Variants in WDHD1 observed in about 807,000 individuals in gnomAD.
WDHD1 encodes WD repeat and HMG-box DNA binding protein 1.
A neutral mutation model predicts 135.4 loss-of-function variants in WDHD1; 111 were observed. The ratio of observed to expected loss-of-function variants is 0.82; its 90% CI spans 0.70 to 0.96. The LOEUF (loss-of-function observed/expected upper bound fraction) is 0.96, where lower values mean the gene tolerates loss of function less well. Among genes scored for constraint, WDHD1 ranks in the 40% least tolerant of loss-of-function variants. The probability of loss-of-function intolerance (pLI) is 0.00; values close to 1 mark genes in which losing one functional copy is unlikely to be tolerated. For missense variants in WDHD1, 1,351 were observed against 1,336.3 expected (o/e 1.01, Z -0.17); for synonymous variants, 434 against 439.0 (o/e 0.99, Z 0.14).
rs975226883 is a variant in WDHD1 at position 55,015,146 on chromosome 14, T to C, written c.78-1550A>G. ...TGGCATTGTCCAGGAATTTTCACTTTAAAACATATTAGTATTAGTTGCATC... is the reference window on the plus strand; with the variant it reads ...TGGCATTGTCCAGGAATTTTCACTTCAAAACATATTAGTATTAGTTGCATC... On this transcript the variant is annotated intron_variant, in intron 2 of 25. Transcript: ENST00000360586. Among the ~76,000 whole-genome samples, 3 of 152,074 alleles carry C rather than the reference T, an allele frequency of 2.0e-5. No homozygotes were observed. In the South Asian group the frequency reaches 6.2e-4, roughly 32 times the overall value.
intron 3 of WDHD1, among the ~76,000 whole-genome samples, 199 bp from the exon 4 acceptor site, chr14:55,010,659 C>T (rs568187515): frequency 2.6e-4 from 39 of 152,308 alleles, no homozygotes; most frequent in African/African-American, 9.1e-4. Context: ...AAAATTAATT[C>T]TACCTTAAGC....
intron 22 of WDHD1, 108 bp downstream of exon 22, chr14:54,957,484 C>G: frequency 9.8e-7 from 1 of 1,024,052 alleles, no homozygotes; most frequent in East Asian, 2.6e-5. Flanking sequence ...CCACACAGAT[C>G]AGTCTTTCAT....
intron 16 of WDHD1, among the ~76,000 whole-genome samples, chr14:54,978,598 C>A (rs549269359): frequency 7.9e-5 from 12 of 151,336 alleles, no homozygotes; most frequent in African/African-American, 2.4e-4. Flanking sequence ...AAAAAAAAAA[C>A]CGTTAATGAA....
At chr14:55,003,657 A>G (rs546555395) in intron 7 of WDHD1, among the ~76,000 whole-genome samples, 3 of 150,944 alleles carry the variant, frequency 2.0e-5, no homozygotes, top group African/African-American at 7.4e-5. Context: ...TCTGCCTCCC[A>G]GGTTCAAGCA....
intron 18 of WDHD1, among the ~76,000 whole-genome samples, chr14:54,965,781 C>T (rs1317514422): frequency 6.6e-6 from 1 of 151,720 alleles, no homozygotes; most frequent in African/African-American, 2.4e-5. Flanking sequence ...TGTGGTGAAA[C>T]CCTGTTTCTA....
Position 55,008,685 on chromosome 14 carries a change from T to C in WDHD1, c.376A>G (p.Ser126Gly). The change falls in exon 5 of 26, where the codon AGC becomes GGC. Residue 126 changes from serine (S) to glycine (G), a missense_variant. Physicochemically the swap from Ser to Gly is moderately conservative, Grantham distance 56. Transcript: ENST00000360586. ...CCTCGAAATGTTTTCTGTTGGCTGC[T>C]ATCCATCACATCCACAATTTTGACT... The part of the protein sequence containing the change: ...FLVKIVDVMD[S>G]SQQKTFRGHD... 1 of 1,612,860 alleles carries C rather than the reference T, an allele frequency of 6.2e-7. No individual in the cohort carries two copies. Among genetic ancestry groups the C allele is most frequent in the African/African-American group, 1.3e-5 (1 of 74,960 alleles).
Position 54,941,698 on chromosome 14 carries a change from A to C in WDHD1, c.3190-8T>G. 1 of 1,600,998 alleles carries C rather than the reference A, an allele frequency of 6.2e-7. No homozygotes were observed. The highest frequency in any genetic ancestry group is 8.5e-7 in the Non-Finnish European group (1 of 1,175,500). On this transcript the variant is annotated splice_polypyrimidine_tract_variant and splice_region_variant and intron_variant, in intron 25 of 25. Coordinates refer to ENST00000360586, the MANE Select transcript of WDHD1 (RefSeq NM_007086.4). ...GGCTTTGTTAGCCCACACCTTTGTA[A>C]AATGGCAGGAGTGAAAAGGAAAGAT...
rs2042117160 is a variant in WDHD1, at chr14:55,008,831, C to T, written c.342-112G>A. On this transcript the variant is annotated intron_variant, in intron 4 of 25. Transcript: ENST00000360586. ...TTTTTTTCTTTTTGAGACGGAGTCT[C>T]ACTCTGTCACCCAGGCTGGAGTGCA... 29 of 785,770 alleles carry T rather than the reference C, an allele frequency of 3.7e-5. No individual in the cohort carries two copies. The South Asian group carries it at 5.7e-4, about 15-fold the overall frequency. The allele number at this position is 785,770 out of a possible 1,614,324, so 48.7% of individuals were successfully genotyped here.
intron 11 of WDHD1, among the ~76,000 whole-genome samples, chr14:54,993,021 T>C (rs2140204693): frequency 6.6e-6 from 1 of 152,294 alleles, no homozygotes; most frequent in East Asian, 1.9e-4. Flanking sequence ...ATCTATAAAC[T>C]TCAGTGAACC....
At chr14:55,026,229 G>A (rs183157684) in intron 2 of WDHD1, among the ~76,000 whole-genome samples, 395 of 152,194 alleles carry the variant, frequency 2.6e-3, no homozygotes, top group African/African-American at 8.8e-3. Context: ...GTAAGAATGG[G>A]ACTTGGAAAG....
chr14:54,944,136 A>C (rs900404465), intron 25 of WDHD1, among the ~76,000 whole-genome samples, 196 bp downstream of exon 25: 2 of 151,064 alleles, frequency 1.3e-5, no homozygotes, highest in African/African-American at 4.9e-5. Flanking sequence ...TGTTGTTATT[A>C]TTATTATTAG....
intron 7 of WDHD1, chr14:55,004,789 CT>C (rs1233281709): frequency 5.1e-5 from 22 of 428,276 alleles, no homozygotes; most frequent in Middle Eastern, 7.8e-4. Context: ...TTCCATGTTG[CT>C]TAAGAGCCTG....
chr14:55,026,306 A>C (rs2042439632), intron 2 of WDHD1, among the ~76,000 whole-genome samples: 1 of 151,894 alleles, frequency 6.6e-6, no homozygotes, highest in South Asian at 2.1e-4. Flanking sequence ...AAATTGTTTT[A>C]AGCCGTCAAA....
intron 7 of WDHD1, chr14:55,005,589 T>C: frequency 3.3e-6 from 2 of 600,506 alleles, no homozygotes; most frequent in Non-Finnish European, 6.3e-6. Context: ...TACTGTCCCA[T>C]CTGGAAGACA....
At chr14:54,974,045 G>C (rs190238632) in intron 16 of WDHD1, among the ~76,000 whole-genome samples, 2 of 151,588 alleles carry the variant, frequency 1.3e-5, no homozygotes, top group African/African-American at 4.9e-5. Flanking sequence ...TGATGACGAC[G>C]GAGTTTCCTG....
intron 24 of WDHD1, among the ~76,000 whole-genome samples, chr14:54,954,288 GA>G (rs1310830242): frequency 6.6e-6 from 1 of 151,802 alleles, no homozygotes; most frequent in Non-Finnish European, 1.5e-5. Context: ...CTCCGTCTCA[GA>G]AAAAATAAAT....
At chr14:54,960,366 C>CTCT (rs2041231465) in intron 21 of WDHD1, among the ~76,000 whole-genome samples, 1 of 151,278 alleles carries the variant, frequency 6.6e-6, no homozygotes, top group Admixed American at 6.6e-5. Context: ...GACGGGGTTT[C>CTCT]ACTGTGTTCT....
At chr14:54,955,732 T>C (rs751458496) in intron 23 of WDHD1, 38 bp from the exon 24 acceptor site, 135 of 1,407,992 alleles carry the variant, frequency 9.6e-5, no homozygotes, top group Non-Finnish European at 1.2e-4. Flanking sequence ...TAACATCTAG[T>C]ATAATTTTAT....
chr14:55,005,095 A>G (rs1307399369), intron 7 of WDHD1: 1 of 534,258 alleles, frequency 1.9e-6, no homozygotes, highest in East Asian at 4.8e-5. Flanking sequence ...ACACTGTAGA[A>G]GTAGAGATCA....
Sources: allele counts gnomAD v4.1 joint callset (sites outside exome capture counted in the v4.1 genomes callset), GRCh38; gene constraint gnomAD v4.1.1; transcripts MANE v1.5; gene names NCBI Gene and HGNC (gene_info 2026-07-23, HGNC 2026-07-21).